IL33: variants seen among roughly 807,000 people sequenced by gnomAD.
IL33 encodes the protein interleukin-33.
IL33 carries 37 observed loss-of-function variants against 27.3 expected under a neutral mutation model. That is an observed-to-expected ratio of 1.36 (90% CI 1.04 to 1.78). The LOEUF (loss-of-function observed/expected upper bound fraction) is 1.78, where lower values mean the gene tolerates loss of function less well. IL33 is among the 40% of genes most tolerant of loss of function. IL33 has a pLI of 0.00. For missense variants in IL33, 406 were observed against 311.4 expected, an observed-to-expected ratio of 1.30 and a Z score of -2.29; for synonymous variants, 132 against 102.9, an observed-to-expected ratio of 1.28 and a Z score of -1.71.
At chr9:6,255,806 C>G (rs1816691556) in intron 7 of IL33, among the ~76,000 whole-genome samples, 162 bp from the exon 8 acceptor site, 1 of 152,200 alleles carries the variant, frequency 6.6e-6, no homozygotes, top group Non-Finnish European at 1.5e-5. Context: ...CTCTGGCCCT[C>G]TACTCACTTC....
intron 1 of IL33, among the ~76,000 whole-genome samples, chr9:6,224,495 G>T (rs1270386363): frequency 6.6e-6 from 1 of 152,082 alleles, no homozygotes; most frequent in African/African-American, 2.4e-5. Flanking sequence ...TTAGAGTACT[G>T]CCCAAAGAAC....
At chr9:6,248,833 C>A (rs112103910) in intron 2 of IL33, among the ~76,000 whole-genome samples, 10,446 of 152,040 alleles carry the variant, frequency 0.069, 1,167 homozygotes, top group African/African-American at 0.23. Context: ...CTTGCCTCAG[C>A]CTCCCAAAGT....
At chr9:6,253,490 T>C (rs1200038159) in intron 5 of IL33, 62 bp from the exon 6 acceptor site, 46 of 1,124,212 alleles carry the variant, frequency 4.1e-5, no homozygotes, top group Non-Finnish European at 5.1e-5. Context: ...TATGTGTGTG[T>C]TGGAACTGAA....
intron 7 of IL33, 43 bp from the exon 8 acceptor site, chr9:6,255,925 C>A (rs1816699811): frequency 6.6e-7 from 1 of 1,522,808 alleles, no homozygotes; most frequent in African/African-American, 1.4e-5. Flanking sequence ...TGACTCTGAA[C>A]TTCCCATTCA....
chr9:6,232,837 G>A (rs1297665001), intron 1 of IL33, among the ~76,000 whole-genome samples: 2 of 152,066 alleles, frequency 1.3e-5, no homozygotes, highest in Non-Finnish European at 2.9e-5. Flanking sequence ...CTCCTCAGCA[G>A]TTCACCCAAA....
chr9:6,230,629 C>G (rs956472363), intron 1 of IL33, among the ~76,000 whole-genome samples: 1 of 152,148 alleles, frequency 6.6e-6, no homozygotes, highest in Non-Finnish European at 1.5e-5. Context: ...TGTTGGCAAA[C>G]TTAGTCATAA....
At chr9:6,223,448 A>G (rs1199519821) in intron 1 of IL33, among the ~76,000 whole-genome samples, 1 of 151,842 alleles carries the variant, frequency 6.6e-6, no homozygotes, top group Non-Finnish European at 1.5e-5. Flanking sequence ...AAAGATTTTC[A>G]GTTTATTTTT....
chr9:6,249,962 A>G (rs1360140240), intron 2 of IL33, among the ~76,000 whole-genome samples: 1 of 152,240 alleles, frequency 6.6e-6, no homozygotes, highest in Non-Finnish European at 1.5e-5. Context: ...GTTCTAGACA[A>G]GGAGAAAAGA....
chr9:6,224,824 G>A (rs1315253547), intron 1 of IL33, among the ~76,000 whole-genome samples: 1 of 152,190 alleles, frequency 6.6e-6, no homozygotes, highest in Non-Finnish European at 1.5e-5. Context: ...TGGATCTAAG[G>A]TATGAACTTT....
chr9:6,247,541 G>A (rs1026247853), intron 2 of IL33, among the ~76,000 whole-genome samples: 1 of 152,142 alleles, frequency 6.6e-6, no homozygotes, highest in African/African-American at 2.4e-5. Flanking sequence ...AAATCCCTGA[G>A]GGATTCATGC....
Position 6,250,564 on chromosome 9 carries a change from G to C in IL33, c.182G>C (p.Arg61Thr). 6.2e-7 allele frequency: 1 copy of C among 1,613,946 alleles called. No homozygotes were observed. ...ATAAAAAAGGAGGCCTGTTACTTTA[G>C]GAGAGAAACCACCAAAAGGCCTTCA... ...LMIKKEACYF[R>T]RETTKRPSLK... is the part of the protein sequence containing the mutation. The change falls in exon 3 of 8, where the codon AGG becomes ACG. Residue 61 changes from arginine (R) to threonine (T), a missense_variant. Arg to Thr is a moderately conservative substitution (Grantham distance 71). Transcript: ENST00000682010.
intron 1 of IL33, among the ~76,000 whole-genome samples, chr9:6,219,879 C>A (rs1010348990): frequency 2.6e-5 from 4 of 152,160 alleles, no homozygotes; most frequent in Non-Finnish European, 5.9e-5. Flanking sequence ...ATCATAAAGT[C>A]AGTAAATTTC....
chr9:6,234,668 G>C (rs1011117700), intron 1 of IL33, among the ~76,000 whole-genome samples: 1 of 152,154 alleles, frequency 6.6e-6, no homozygotes, highest in Non-Finnish European at 1.5e-5. Context: ...CTCCTCGTTA[G>C]TCCCATTAAC....
chr9:6,225,250 T>C (rs1385587337), intron 1 of IL33, among the ~76,000 whole-genome samples: 2 of 152,200 alleles, frequency 1.3e-5, no homozygotes, highest in Non-Finnish European at 2.9e-5. Flanking sequence ...ATTCAAACAA[T>C]TATTAAATTC....
chr9:6,234,993 T>G (rs1438460393), intron 1 of IL33, among the ~76,000 whole-genome samples: 1 of 152,226 alleles, frequency 6.6e-6, no homozygotes, highest in Non-Finnish European at 1.5e-5. Context: ...AGTTGTGGTA[T>G]GTATTTGGAA....
At chr9:6,254,652 C>A in intron 7 of IL33, 99 bp downstream of exon 7, 1 of 588,964 alleles carries the variant, frequency 1.7e-6, no homozygotes, top group Non-Finnish European at 2.7e-6. Context: ...GGGTATTTTG[C>A]AGAAGGATTT....
chr9:6,241,769 G>C lies in IL33; in HGVS notation c.75G>C (p.Leu25Phe). 1 of 1,610,356 alleles carries C rather than the reference G, an allele frequency of 6.2e-7. No individual in the cohort carries two copies. The highest frequency in any genetic ancestry group is 8.5e-7 in the Non-Finnish European group (1 of 1,177,858). ...GGAAGAACACAGCAAGCAAAGCCTTGTGTTTCAAGCTGGGAAGTAAGGACT... is the reference window on the plus strand; with the variant it reads ...GGAAGAACACAGCAAGCAAAGCCTTCTGTTTCAAGCTGGGAAGTAAGGACT... ...AKWKNTASKA[L>F]CFKLGKSQQK... is the part of the protein sequence containing the mutation. The change falls in exon 2 of 8, where the codon TTG (leucine) becomes TTC (phenylalanine). Residue 25 changes from leucine to phenylalanine, a missense_variant. Leu to Phe is a conservative substitution (Grantham distance 22). Transcript: ENST00000682010.
intron 1 of IL33, among the ~76,000 whole-genome samples, chr9:6,218,711 CAT>C (rs548397291): frequency 0.043 from 4,737 of 109,070 alleles, 82 homozygotes; most frequent in Non-Finnish European, 0.068. Flanking sequence ...ATATGTTCTC[CAT>C]ATATATATAT....
intron 2 of IL33, among the ~76,000 whole-genome samples, chr9:6,243,716 A>G (rs1293794774): frequency 6.6e-6 from 1 of 152,178 alleles, no homozygotes; most frequent in Non-Finnish European, 1.5e-5. Context: ...AAGTAAGTTA[A>G]TGGAGCCTTG....
Sources: allele counts gnomAD v4.1 joint callset (sites outside exome capture counted in the v4.1 genomes callset), GRCh38; gene constraint gnomAD v4.1.1; transcripts MANE v1.5; gene names NCBI Gene and HGNC (gene_info 2026-07-23, HGNC 2026-07-21).